ST6GALNAC3: variants seen among roughly 807,000 people sequenced by gnomAD.
The protein encoded by ST6GALNAC3 is alpha-N-acetylgalactosaminide alpha-2,6-sialyltransferase 3.
Under a neutral mutation model 32.7 loss-of-function variants are expected in ST6GALNAC3, and 25 were observed. The observed-to-expected ratio is 0.76, with a 90% confidence interval of 0.56 to 1.07. ST6GALNAC3 has a LOEUF of 1.07. Ranked by LOEUF, ST6GALNAC3 falls within the 50% of genes least tolerant of loss-of-function variation. ST6GALNAC3 has a pLI of 0.00. For synonymous variants in ST6GALNAC3, 129 were observed against 133.1 expected (o/e 0.97, Z 0.21); for missense variants, 355 against 382.4 (o/e 0.93, Z 0.60).
chr1:76,502,930 C>T (rs762396830), intron 3 of ST6GALNAC3, among the ~76,000 whole-genome samples: 4 of 152,148 alleles, frequency 2.6e-5, no homozygotes, highest in Non-Finnish European at 5.9e-5. Flanking sequence ...ATTTCTAATG[C>T]ATATGACAGA....
chr1:76,319,162 C>G (rs746754989), intron 2 of ST6GALNAC3, among the ~76,000 whole-genome samples: 1 of 152,096 alleles, frequency 6.6e-6, no homozygotes, highest in Non-Finnish European at 1.5e-5. Flanking sequence ...ATAGGATCTT[C>G]CCCTTAAGAT....
At chr1:76,309,612 G>A (rs932728762) in intron 1 of ST6GALNAC3, among the ~76,000 whole-genome samples, 3 of 152,120 alleles carry the variant, frequency 2.0e-5, no homozygotes, top group African/African-American at 7.2e-5. Context: ...TGTACTTGAA[G>A]GTATGCCTTT....
intron 1 of ST6GALNAC3, among the ~76,000 whole-genome samples, chr1:76,078,479 A>G (rs1646846551): frequency 1.3e-5 from 2 of 152,128 alleles, no homozygotes; most frequent in African/African-American, 4.8e-5. Flanking sequence ...CAGACTTCAC[A>G]TTGCCTGGAC....
chr1:76,538,414 T>C (rs1386148270), intron 3 of ST6GALNAC3, among the ~76,000 whole-genome samples: 1 of 152,124 alleles, frequency 6.6e-6, no homozygotes, highest in Non-Finnish European at 1.5e-5. Flanking sequence ...GCCAATATCA[T>C]ATTGAATGGG....
intron 1 of ST6GALNAC3, among the ~76,000 whole-genome samples, chr1:76,278,094 AAC>A (rs1260172312): frequency 2.0e-5 from 3 of 152,120 alleles, no homozygotes; most frequent in Admixed American, 2.0e-4. Flanking sequence ...GTATCTTTGT[AAC>A]ATTATAATGT....
chr1:76,485,974 G>A (rs1188774349), intron 3 of ST6GALNAC3, among the ~76,000 whole-genome samples: 4 of 152,086 alleles, frequency 2.6e-5, no homozygotes, highest in Admixed American at 2.6e-4. Context: ...CCTTCATTTT[G>A]TTATGCACCC....
At chr1:76,470,195 G>T (rs74089957) in intron 3 of ST6GALNAC3, among the ~76,000 whole-genome samples, 6,191 of 151,636 alleles carry the variant, frequency 0.041, 420 homozygotes, top group African/African-American at 0.14. Flanking sequence ...ATCTAGGTTC[G>T]GCAACAGAAT....
At chr1:76,096,922 T>G (rs1234887516) in intron 1 of ST6GALNAC3, among the ~76,000 whole-genome samples, 2 of 151,156 alleles carry the variant, frequency 1.3e-5, no homozygotes, top group African/African-American at 2.4e-5. Flanking sequence ...ATAGAGCTTT[T>G]TTTTTTTTTT....
In ST6GALNAC3 at chr1:76,105,292, A is replaced by G. The variant is rs139079567; in HGVS notation, c.18+30408A>G. ...GCAATATCTCAACTCACAGCCATCC[A>G]CTTACCTCTAATGGCCAGCATCAGA... On this transcript the variant is annotated intron_variant, in intron 1 of 4. Coordinates refer to ENST00000328299, the MANE Select transcript of ST6GALNAC3 (RefSeq NM_152996.4). 5.5e-3 allele frequency among the ~76,000 whole-genome samples: 843 copies of G among 152,350 alleles called. 9 individuals are homozygous for G. The highest frequency in any genetic ancestry group is 0.019 in the African/African-American group (801 of 41,578).
chr1:76,127,949 T>C (rs549112793), intron 1 of ST6GALNAC3, among the ~76,000 whole-genome samples: 1 of 152,258 alleles, frequency 6.6e-6, no homozygotes, highest in African/African-American at 2.4e-5. Context: ...ATTCTCCCTA[T>C]GTTCTTTTTC....
At chr1:76,086,368 C>T (rs940802126) in intron 1 of ST6GALNAC3, among the ~76,000 whole-genome samples, 30 of 151,810 alleles carry the variant, frequency 2.0e-4, no homozygotes, top group Middle Eastern at 3.2e-3. Flanking sequence ...AGTTTTTTTT[C>T]GTGTTGATGA....
Position 76,627,478 on chromosome 1 carries a change from C to T in ST6GALNAC3, c.650C>T (p.Thr217Ile). Residue 217 changes from threonine to isoleucine, a missense_variant, in exon 4 of 5, where the codon ACA (threonine) becomes ATA (isoleucine). Physicochemically the swap from Thr to Ile is moderately conservative, Grantham distance 89 (BLOSUM62 -1). Transcript: ENST00000328299. Reference sequence around the variant, plus strand: ...GTCCAGTCTGGCTCATATCTCAGCACAGGGTGGTTTACCTTCCTTCTGGCC... The same window carrying T: ...GTCCAGTCTGGCTCATATCTCAGCATAGGGTGGTTTACCTTCCTTCTGGCC... ...DRVQSGSYLSTGWFTFLLAMD... is the reference protein window; with the variant it reads ...DRVQSGSYLSIGWFTFLLAMD... The T allele has an allele frequency of 6.2e-7, 1 of 1,612,580 alleles. No homozygotes were observed. Among genetic ancestry groups the T allele is most frequent in the Non-Finnish European group, 8.5e-7 (1 of 1,178,944 alleles).
rs1028267175 is a variant in ST6GALNAC3, at chr1:76,203,268, A to G, written c.19-110537A>G. On this transcript the variant is annotated intron_variant, in intron 1 of 4. Transcript: ENST00000328299. ...GAATCTGCGCAGGGGGTGCCCATGC[A>G]TTACTCAGTTGTAGAGCTCCCTCCT... Among the ~76,000 whole-genome samples the G allele has an allele frequency of 1.1e-4, 16 of 152,324 alleles. No individual in the cohort carries two copies. In the East Asian group the frequency reaches 1.7e-3, roughly 17 times the overall value.
chr1:76,326,150 C>T (rs1456104337), intron 2 of ST6GALNAC3, among the ~76,000 whole-genome samples: 1 of 152,140 alleles, frequency 6.6e-6, no homozygotes, highest in Non-Finnish European at 1.5e-5. Context: ...CAAGTTGGGT[C>T]CTGGTCTGTT....
intron 3 of ST6GALNAC3, among the ~76,000 whole-genome samples, chr1:76,510,134 A>G (rs17099105): frequency 0.069 from 10,434 of 152,232 alleles, 1,137 homozygotes; most frequent in African/African-American, 0.23. Context: ...TCTGCTGCTG[A>G]TGAAATCAAA....
At chr1:76,624,946 A>G (rs1278523611) in intron 3 of ST6GALNAC3, among the ~76,000 whole-genome samples, 1 of 151,998 alleles carries the variant, frequency 6.6e-6, no homozygotes, top group East Asian at 1.9e-4. Context: ...TGCATAGAGC[A>G]TGGTACCGCA....
chr1:76,382,301 T>G (rs1651770510), intron 2 of ST6GALNAC3, among the ~76,000 whole-genome samples: 1 of 152,202 alleles, frequency 6.6e-6, no homozygotes. Flanking sequence ...TGTAGGTTAT[T>G]GATATATTGG....
At chr1:76,302,636 C>T (rs944440793) in intron 1 of ST6GALNAC3, among the ~76,000 whole-genome samples, 1 of 151,944 alleles carries the variant, frequency 6.6e-6, no homozygotes, top group African/African-American at 2.4e-5. Flanking sequence ...CCAGGCAGTG[C>T]TCTAAGGGCT....
intron 1 of ST6GALNAC3, among the ~76,000 whole-genome samples, chr1:76,181,950 G>C (rs1483247024): frequency 1.3e-5 from 2 of 152,146 alleles, no homozygotes; most frequent in East Asian, 1.9e-4. Flanking sequence ...TGAACACTCA[G>C]AAATTCGAAT....
Sources: allele counts gnomAD v4.1 joint callset (sites outside exome capture counted in the v4.1 genomes callset), GRCh38; gene constraint gnomAD v4.1.1; transcripts MANE v1.5; gene names NCBI Gene and HGNC (gene_info 2026-07-23, HGNC 2026-07-21).